The following ATRNL1 variants were observed in gnomAD, a reference collection of about 807,000 sequenced individuals.
The protein encoded by ATRNL1 is attractin like 1, also known as attractin-like protein 1.
ATRNL1 carries 95 observed loss-of-function variants against 182.7 expected under a neutral mutation model. That is an observed-to-expected ratio of 0.52 (90% confidence interval 0.44 to 0.62). The LOEUF is 0.62. Ranked by LOEUF, ATRNL1 falls within the 20% of genes least tolerant of loss-of-function variation. ATRNL1 has a pLI of 0.00. For missense variants in ATRNL1, 1,471 were observed against 1,679.5 expected (o/e 0.88, Z 2.17); for synonymous variants, 576 against 568.3 (o/e 1.01, Z -0.19).
chr10:115,624,252 T>C (rs1224753381), intron 26 of ATRNL1, among the ~76,000 whole-genome samples: 1 of 151,964 alleles, frequency 6.6e-6, no homozygotes, highest in African/African-American at 2.4e-5. Flanking sequence ...ATATATAATA[T>C]GATTTTATAA....
chr10:115,215,634 G>A (rs1016837908), intron 8 of ATRNL1, 63 bp from the exon 9 acceptor site: 3 of 1,243,304 alleles, frequency 2.4e-6, no homozygotes, highest in Non-Finnish European at 3.3e-6. Context: ...GTATTTTGGT[G>A]ATATATTAGT....
At chr10:115,492,644 A>ATTTTT (rs10677710) in intron 24 of ATRNL1, among the ~76,000 whole-genome samples, 6 of 121,856 alleles carry the variant, frequency 4.9e-5, no homozygotes, top group Non-Finnish European at 4.9e-5. Context: ...TACTAAAGTG[A>ATTTTT]TTTTTTTTTT....
At chr10:115,243,824 C>G (rs1305705395) in intron 10 of ATRNL1, among the ~76,000 whole-genome samples, 1 of 151,888 alleles carries the variant, frequency 6.6e-6, no homozygotes. Context: ...ACACTGACAA[C>G]AAAAACATAA....
rs973635086 is a variant in ATRNL1, at chr10:115,410,469, G to T, written c.3269+15717G>T. The stretch of plus-strand genomic sequence containing the variant: ...CCCGAGTAGCTGGGACTACAGGTGT[G>T]CACCACACACCCAGCTAATTTTTGT... On this transcript the variant is annotated intron_variant, in intron 20 of 28. Coordinates refer to ENST00000355044, the MANE Select transcript of ATRNL1 (RefSeq NM_207303.4). Among the ~76,000 whole-genome samples the T allele has an allele frequency of 4.6e-5, 7 of 151,654 alleles. No individual in the cohort carries two copies. The South Asian group carries it at 1.5e-3, about 32-fold the overall frequency.
intron 26 of ATRNL1, among the ~76,000 whole-genome samples, chr10:115,644,879 A>G (rs2133865630): frequency 6.6e-6 from 1 of 152,138 alleles, no homozygotes; most frequent in African/African-American, 2.4e-5. Flanking sequence ...AATTGGGGAA[A>G]CTTCTTTGAT....
intron 28 of ATRNL1, among the ~76,000 whole-genome samples, chr10:115,886,677 T>G (rs1210178378): frequency 6.6e-6 from 1 of 152,258 alleles, no homozygotes. Flanking sequence ...AGAGCCACTA[T>G]GTAATTTCAT....
At chr10:115,852,941 T>C (rs1951091244) in intron 28 of ATRNL1, among the ~76,000 whole-genome samples, 1 of 152,208 alleles carries the variant, frequency 6.6e-6, no homozygotes, top group Non-Finnish European at 1.5e-5. Flanking sequence ...TAAACTTGTA[T>C]GTCTGAGCTC....
intron 10 of ATRNL1, among the ~76,000 whole-genome samples, chr10:115,251,822 A>T (rs2133844586): frequency 1.3e-5 from 2 of 152,326 alleles, no homozygotes; most frequent in South Asian, 4.1e-4. Context: ...AGTCATCCAG[A>T]TAGCAAGTGA....
chr10:115,376,916 T>C (rs1407495329), intron 19 of ATRNL1, among the ~76,000 whole-genome samples: 1 of 152,202 alleles, frequency 6.6e-6, no homozygotes, highest in Non-Finnish European at 1.5e-5. Flanking sequence ...AATCATTTTT[T>C]GTTTTTCTAA....
At chr10:115,627,137 C>T (rs1769482194) in intron 26 of ATRNL1, among the ~76,000 whole-genome samples, 1 of 152,130 alleles carries the variant, frequency 6.6e-6, no homozygotes, top group Non-Finnish European at 1.5e-5. Context: ...CATCTAGTTT[C>T]AAAACATTAC....
At chr10:115,622,199 C>A (rs959908678) in intron 26 of ATRNL1, among the ~76,000 whole-genome samples, 1 of 152,084 alleles carries the variant, frequency 6.6e-6, no homozygotes, top group African/African-American at 2.4e-5. Context: ...GGATATGCAG[C>A]CTATAGGATT....
chr10:115,602,033 G>A (rs533967290), intron 26 of ATRNL1, among the ~76,000 whole-genome samples: 111 of 151,104 alleles, frequency 7.3e-4, no homozygotes, highest in African/African-American at 2.4e-3. Flanking sequence ...TGGCTCTAGA[G>A]TTTACAATAT....
At chr10:115,722,393 G>C (rs1232134457) in intron 26 of ATRNL1, among the ~76,000 whole-genome samples, 1 of 152,032 alleles carries the variant, frequency 6.6e-6, no homozygotes, top group Non-Finnish European at 1.5e-5. Context: ...ATATTTTTCT[G>C]AACAAGAATT....
Position 115,229,348 on chromosome 10 carries a change from C to T in ATRNL1, c.1533-12223C>T, listed in dbSNP as rs182609507. Among the ~76,000 whole-genome samples, 250 of 151,818 alleles carry T rather than the reference C, an allele frequency of 1.6e-3. 1 individual carries two copies. The highest frequency in any genetic ancestry group is 2.2e-3 in the Non-Finnish European group (148 of 67,930). On this transcript the variant is annotated intron_variant, in intron 9 of 28. Coordinates refer to ENST00000355044, the MANE Select transcript of ATRNL1 (RefSeq NM_207303.4). ...ATTTCCTGTCCGAGGTTTTGGAAAG[C>T]GATAGAGGTTAATTTTATAAATTAT...
chr10:115,475,737 A>G (rs1452196987), intron 24 of ATRNL1, among the ~76,000 whole-genome samples: 6 of 151,366 alleles, frequency 4.0e-5, no homozygotes, highest in Non-Finnish European at 8.9e-5. Context: ...TAAATAGATG[A>G]TCATCATTTT....
At chr10:115,936,475 T>G (rs1565500636) in intron 28 of ATRNL1, among the ~76,000 whole-genome samples, 1 of 152,322 alleles carries the variant, frequency 6.6e-6, no homozygotes, top group East Asian at 1.9e-4. Context: ...TCTCAAATGA[T>G]TTTTTAATTA....
chr10:115,475,359 A>G (rs190192501), intron 24 of ATRNL1, among the ~76,000 whole-genome samples: 155 of 151,650 alleles, frequency 1.0e-3, no homozygotes, highest in Admixed American at 1.2e-3. Flanking sequence ...GGCAGCTAAT[A>G]TGTAGCAAAA....
intron 27 of ATRNL1, among the ~76,000 whole-genome samples, chr10:115,815,235 G>C (rs535203734): frequency 6.6e-6 from 1 of 152,204 alleles, no homozygotes; most frequent in East Asian, 1.9e-4. Context: ...TGGGGCTGAG[G>C]ATCTCCTCCC....
chr10:115,842,405 C>T (rs1317873726), intron 27 of ATRNL1, among the ~76,000 whole-genome samples: 2 of 152,072 alleles, frequency 1.3e-5, no homozygotes, highest in African/African-American at 2.4e-5. Context: ...TTTCACCATA[C>T]TTAGACAAAC....
Sources: allele counts gnomAD v4.1 joint callset (sites outside exome capture counted in the v4.1 genomes callset), GRCh38; gene constraint gnomAD v4.1.1; transcripts MANE v1.5; gene names NCBI Gene and HGNC (gene_info 2026-07-23, HGNC 2026-07-21).